Variants in SMOC1 observed in about 807,000 individuals in gnomAD.
SMOC1 encodes SPARC-related modular calcium-binding protein 1.
SMOC1 carries 22 observed loss-of-function variants against 56.3 expected under a neutral mutation model. The observed-to-expected ratio is 0.39, with a 90% CI of 0.28 to 0.56. The LOEUF (loss-of-function observed/expected upper bound fraction) is 0.56. SMOC1 is among the 20% of genes least tolerant of loss of function. The pLI, the probability that SMOC1 is intolerant of heterozygous loss-of-function variation, is 0.61. For synonymous variants in SMOC1, 193 were observed against 215.0 expected (o/e 0.90, Z 0.89); for missense variants, 509 against 565.4 (o/e 0.90, Z 1.01).
intron 3 of SMOC1, among the ~76,000 whole-genome samples, chr14:69,957,968 T>C: frequency 6.6e-6 from 1 of 152,236 alleles, no homozygotes; most frequent in Non-Finnish European, 1.5e-5. Context: ...AAAGTAACTA[T>C]ATAAAAGACA....
chr14:69,999,032 A>G (rs1884873710), intron 7 of SMOC1, among the ~76,000 whole-genome samples: 1 of 152,126 alleles, frequency 6.6e-6, no homozygotes, highest in Non-Finnish European at 1.5e-5. Flanking sequence ...TGCTCCCTGG[A>G]GATACAGCCA....
At chr14:69,947,314 C>T (rs546897873) in intron 1 of SMOC1, among the ~76,000 whole-genome samples, 108 of 152,202 alleles carry the variant, frequency 7.1e-4, no homozygotes, top group African/African-American at 2.4e-3. Flanking sequence ...GGGCCATGGG[C>T]ATGCATTACT....
intron 1 of SMOC1, among the ~76,000 whole-genome samples, chr14:69,929,981 C>T (rs532018979): frequency 1.2e-4 from 19 of 152,198 alleles, no homozygotes; most frequent in East Asian, 7.7e-4. Context: ...CTTGAGAGTT[C>T]GGCCCCACAT....
chr14:70,010,555 G>C (rs1885298247), intron 7 of SMOC1, among the ~76,000 whole-genome samples, 199 bp from the exon 8 acceptor site: 1 of 152,222 alleles, frequency 6.6e-6, no homozygotes, highest in Admixed American at 6.5e-5. Flanking sequence ...GATGGCCACA[G>C]GGAGGTTCTG....
chr14:69,920,348 G>A lies in SMOC1; in HGVS notation c.100-31790G>A, dbSNP rs138355929. 1.2e-3 allele frequency among the ~76,000 whole-genome samples: 180 copies of A among 152,274 alleles called. 1 individual carries two copies. The highest frequency in any genetic ancestry group is 3.4e-3 in the Middle Eastern group (1 of 294). ...GCCGTTTACCTCTGTAGGTTTTATG[G>A]ACATGTAAATTAGGCAGTGCAGATG... On this transcript the variant is annotated intron_variant, in intron 1 of 11. Transcript: ENST00000361956.
intron 1 of SMOC1, among the ~76,000 whole-genome samples, chr14:69,915,989 A>C (rs1182072365): frequency 6.6e-6 from 1 of 152,234 alleles, no homozygotes; most frequent in Non-Finnish European, 1.5e-5. Context: ...ATCTCTATGC[A>C]GACATATCTC....
At chr14:69,971,100 C>A (rs1182342450) in intron 3 of SMOC1, among the ~76,000 whole-genome samples, 1 of 152,150 alleles carries the variant, frequency 6.6e-6, no homozygotes, top group Non-Finnish European at 1.5e-5. Flanking sequence ...CTCACTGGAA[C>A]CTCCAACTCG....
chr14:69,988,915 C>T (rs1235122757), intron 5 of SMOC1, among the ~76,000 whole-genome samples: 2 of 152,184 alleles, frequency 1.3e-5, no homozygotes, highest in African/African-American at 2.4e-5. Context: ...AGTATGCTAT[C>T]ATATGGATAT....
At chr14:70,020,679 C>T (rs11626232) in intron 10 of SMOC1, among the ~76,000 whole-genome samples, 16,327 of 152,114 alleles carry the variant, frequency 0.11, 1,011 homozygotes, top group Non-Finnish European at 0.14. Context: ...AATCAGAAGT[C>T]GTGGCTGCCC....
At chr14:69,886,161 A>G (rs2139291351) in intron 1 of SMOC1, 1 of 1,210,464 alleles carries the variant, frequency 8.3e-7, no homozygotes, top group East Asian at 2.4e-5. Context: ...GGGAGGAGAG[A>G]GCTCCTTTGA....
chr14:70,019,036 T>TTGTGG (rs1288708911), intron 10 of SMOC1, among the ~76,000 whole-genome samples: 1 of 152,222 alleles, frequency 6.6e-6, no homozygotes, highest in Non-Finnish European at 1.5e-5. Context: ...GCAGGTTTCC[T>TTGTGG]TGTGGTAAAC....
intron 10 of SMOC1, 43 bp downstream of exon 10, chr14:70,013,534 G>C (rs759330500): frequency 6.4e-7 from 1 of 1,567,778 alleles, no homozygotes; most frequent in East Asian, 2.2e-5. Context: ...AAAAATGTGG[G>C]GCCCCTGACT....
At chr14:70,007,748 C>T (rs114623605) in intron 7 of SMOC1, among the ~76,000 whole-genome samples, 72 of 152,244 alleles carry the variant, frequency 4.7e-4, no homozygotes, top group African/African-American at 1.7e-3. Flanking sequence ...ACAAAATGGG[C>T]GTAATAATAG....
rs1380562089 is a variant in SMOC1, at chr14:69,931,505, T to C, written c.100-20633T>C. Reference sequence around the variant, plus strand: ...GAGGAAGGAGCCAGATCATGTTCTTTGGGAGCTGACAGCAGGCGCTGGGTC... The same window carrying C: ...GAGGAAGGAGCCAGATCATGTTCTTCGGGAGCTGACAGCAGGCGCTGGGTC... On this transcript the variant is annotated intron_variant, in intron 1 of 11. Coordinates refer to ENST00000361956, the MANE Select transcript of SMOC1 (RefSeq NM_001034852.3). 3.9e-5 allele frequency among the ~76,000 whole-genome samples: 6 copies of C among 152,240 alleles called. No individual in the cohort carries two copies. In the East Asian group the frequency reaches 9.6e-4, roughly 24 times the overall value.
chr14:69,910,022 G>A (rs1256771046), intron 1 of SMOC1, among the ~76,000 whole-genome samples: 2 of 152,164 alleles, frequency 1.3e-5, no homozygotes, highest in East Asian at 1.9e-4. Flanking sequence ...TCCTCCTGGC[G>A]ACAGATCATC....
intron 5 of SMOC1, among the ~76,000 whole-genome samples, chr14:69,978,576 T>C (rs1347801820): frequency 2.6e-5 from 4 of 152,162 alleles, no homozygotes; most frequent in Non-Finnish European, 5.9e-5. Context: ...GTCACCTCAT[T>C]AGCACAAAGC....
chr14:69,953,292 G>A, intron 2 of SMOC1, 128 bp from the exon 3 acceptor site: 2 of 812,784 alleles, frequency 2.5e-6, no homozygotes, highest in South Asian at 1.4e-5. Context: ...GGCCCTTTTA[G>A]GGTTGGACAA....
At chr14:69,930,636 G>C (rs1198751249) in intron 1 of SMOC1, among the ~76,000 whole-genome samples, 1 of 152,172 alleles carries the variant, frequency 6.6e-6, no homozygotes, top group Non-Finnish European at 1.5e-5. Context: ...GCAAGAGAAA[G>C]GGTCAGGAAA....
intron 3 of SMOC1, among the ~76,000 whole-genome samples, chr14:69,955,868 A>G (rs1883167328): frequency 1.3e-5 from 2 of 152,274 alleles, no homozygotes; most frequent in African/African-American, 2.4e-5. Context: ...CTTCTCTCAG[A>G]TTAGTTTGGG....
Sources: allele counts gnomAD v4.1 joint callset (sites outside exome capture counted in the v4.1 genomes callset), GRCh38; gene constraint gnomAD v4.1.1; transcripts MANE v1.5; gene names NCBI Gene and HGNC (gene_info 2026-07-23, HGNC 2026-07-21).